The following MTG2 variants were observed in gnomAD, a reference collection of about 807,000 sequenced individuals.
The protein encoded by MTG2 is mitochondrial ribosome-associated GTPase 2.
In MTG2, 23 loss-of-function variants were observed where a neutral mutation model predicts 28.6. That is an observed-to-expected ratio of 0.80 (90% CI 0.58 to 1.14). The LOEUF is 1.14. Ranked by LOEUF, MTG2 falls within the 50% of genes most tolerant of loss-of-function variation. The pLI, the probability that MTG2 is intolerant of heterozygous loss-of-function variation, is 0.00. For synonymous variants in MTG2, 260 were observed against 251.8 expected (o/e 1.03, Z -0.31); for missense variants, 539 against 552.0 (o/e 0.98, Z 0.24).
At chr20:62,200,353 C>T (rs1465275124) in intron 6 of MTG2, 1 of 259,924 alleles carries the variant, frequency 3.8e-6, no homozygotes, top group Non-Finnish European at 7.2e-6. Context: ...TAGTAGAGTA[C>T]AGGCAGCCAT....
In MTG2 at chr20:62,200,679, G is replaced by C. The variant is rs538237137; in HGVS notation, c.827-4G>C. 8.7e-6 allele frequency: 14 copies of C among 1,601,370 alleles called. No individual in the cohort carries two copies. The South Asian group carries it at 1.6e-4, about 18-fold the overall frequency. On this transcript the variant is annotated splice_polypyrimidine_tract_variant and splice_region_variant and intron_variant, in intron 6 of 6. Transcript: ENST00000370823. ...CACCTCGTGTGCCCCTGTCTTCCCT[G>C]CAGTGGCCGACATCCCCGGCATCAT...
In MTG2 at chr20:62,201,406, C is replaced by T. The variant is rs6587295; in HGVS notation, c.*329C>T. The T allele has an allele frequency of 1.8e-5, 6 of 329,828 alleles. No homozygotes were observed. The highest frequency in any genetic ancestry group is 8.5e-5 in the African/African-American group (4 of 47,098). The allele number at this position is 329,828 out of a possible 1,614,324, so 20.4% of individuals were successfully genotyped here. ...CTGACTCAGGTCTCCGCCATGCACGCGTGGACTCTCGGATGAGCTCAGCAG... is the reference window on the plus strand; with the variant it reads ...CTGACTCAGGTCTCCGCCATGCACGTGTGGACTCTCGGATGAGCTCAGCAG... On this transcript the variant is annotated 3_prime_UTR_variant, in exon 7 of 7. Coordinates refer to ENST00000370823, the MANE Select transcript of MTG2 (RefSeq NM_015666.4).
At position 62,201,481 on chromosome 20, in the gene MTG2, C is replaced by CA. The variant is rs2058170554; in HGVS notation, c.*405dup. The CA allele has an allele frequency of 5.5e-6, 1 of 182,742 alleles. No homozygotes were observed. The highest frequency in any genetic ancestry group is 1.3e-4 in the South Asian group (1 of 7,476). 11.3% of individuals were successfully genotyped at this position (182,742 alleles called of 1,614,324 possible). On this transcript the variant is annotated 3_prime_UTR_variant, in exon 7 of 7. Transcript: ENST00000370823. The stretch of plus-strand genomic sequence containing the variant: ...CAGAAGTGCAGACCAGGGTTCTCAG[C>CA]ACAGTGCCCGTCGTGCTTCCATGGC...
Position 62,202,266 on chromosome 20 carries a change from G to A in MTG2, c.*1189G>A. On this transcript the variant is annotated 3_prime_UTR_variant, in exon 7 of 7. Coordinates refer to ENST00000370823, the MANE Select transcript of MTG2 (RefSeq NM_015666.4). Reference sequence around the variant, plus strand: ...TGCCTGGCCCATAGACATCCCCCAAGTAGTCTCAGGCCTCTGACATGTCCC... The same window carrying A: ...TGCCTGGCCCATAGACATCCCCCAAATAGTCTCAGGCCTCTGACATGTCCC... The A allele has an allele frequency of 6.6e-6, 1 of 152,374 alleles. No homozygotes were observed. The highest frequency in any genetic ancestry group is 1.9e-4 in the East Asian group (1 of 5,200). 9.4% of individuals were successfully genotyped at this position (152,374 alleles called of 1,614,324 possible).
At chr20:62,199,650 A>AC (rs1424400253) in intron 6 of MTG2, among the ~76,000 whole-genome samples, 17 of 150,836 alleles carry the variant, frequency 1.1e-4, no homozygotes, top group Admixed American at 4.6e-4. Context: ...CATCTCAAAA[A>AC]AAAAAAAAAA....
chr20:62,202,048 G>C lies in MTG2; in HGVS notation c.*971G>C, dbSNP rs2058180718. 2 of 152,274 alleles carry C rather than the reference G, an allele frequency of 1.3e-5. No individual in the cohort carries two copies. Among genetic ancestry groups the C allele is most frequent in the African/African-American group, 2.4e-5 (1 of 41,466 alleles). 9.4% of individuals were successfully genotyped at this position (152,274 alleles called of 1,614,324 possible). On this transcript the variant is annotated 3_prime_UTR_variant, in exon 7 of 7. Transcript: ENST00000370823. ...AGTTACCGAGCCGAAGGGAGATGAT[G>C]GGCCTTCGCCCCTCAGTGGGATGGC...
rs557126150 is a variant in MTG2, at chr20:62,198,325, G to A, written c.469-309G>A. 45 of 532,128 alleles carry A rather than the reference G, an allele frequency of 8.5e-5. No homozygotes were observed. In the East Asian group the frequency reaches 9.5e-4, roughly 11 times the overall value. The allele number at this position is 532,128 out of a possible 1,614,324, so 33.0% of individuals were successfully genotyped here. A position where few individuals can be genotyped will look rare whatever the true frequency, so the allele number is the denominator to read the frequency against. ...CCCAGCGGGCCTGCGTCTCCTTCGC[G>A]AGCTGAATTCACTCGTCTCTTAGAT... On this transcript the variant is annotated intron_variant, in intron 4 of 6. Transcript: ENST00000370823.
At position 62,200,991 on chromosome 20, in the gene MTG2, G is replaced by A; in HGVS notation, c.1135G>A (p.Glu379Lys). The A allele has an allele frequency of 1.9e-6, 3 of 1,613,772 alleles. No individual in the cohort carries two copies. Among genetic ancestry groups the A allele is most frequent in the Non-Finnish European group, 2.5e-6 (3 of 1,180,014 alleles). Reference sequence around the variant, plus strand: ...GTCGGCGTTGACCGGCGAGAACCTGGAGCAGCTGCTGTTGCACCTGAAGGT... The same window carrying A: ...GTCGGCGTTGACCGGCGAGAACCTGAAGCAGCTGCTGTTGCACCTGAAGGT... ...VLSALTGENL[E>K]QLLLHLKVLY... Residue 379 changes from glutamate (E) to lysine (K), a missense_variant, in exon 7 of 7, where the codon GAG (glutamate) becomes AAG (lysine). Coordinates refer to ENST00000370823, the MANE Select transcript of MTG2 (RefSeq NM_015666.4).
At chr20:62,190,749 G>A (rs142564727) in intron 1 of MTG2, among the ~76,000 whole-genome samples, 2,526 of 152,320 alleles carry the variant, frequency 0.017, 31 homozygotes, top group Non-Finnish European at 0.026. Context: ...GCGGTGCAGC[G>A]GCGGCGGCCG....
Position 62,197,888 on chromosome 20 carries a change from C to G in MTG2, c.389C>G (p.Ser130Trp). 2 of 1,614,152 alleles carry G rather than the reference C, an allele frequency of 1.2e-6. No individual in the cohort carries two copies. Among genetic ancestry groups the G allele is most frequent in the Non-Finnish European group, 8.5e-7 (1 of 1,180,030 alleles). Residue 130 changes from serine to tryptophan, a missense_variant, in exon 4 of 7, where the codon TCG becomes TGG. Physicochemically the swap from Ser to Trp is radical, Grantham distance 177 (BLOSUM62 -3). Transcript: ENST00000370823. ...QQVKSLSSVL[S>W]RYQGFSGEDG... ...GTCAAGTCCCTGTCGTCGGTCCTGT[C>G]GCGGTACCAGGGTTTCAGTGGAGAA...
At chr20:62,196,077 C>T in intron 3 of MTG2, 128 bp downstream of exon 3, 1 of 1,163,640 alleles carries the variant, frequency 8.6e-7, no homozygotes, top group Non-Finnish European at 1.2e-6. Flanking sequence ...CTTGGAGAGG[C>T]TGAGGCAGGA....
chr20:62,196,372 AG>A (rs891261776), intron 3 of MTG2, among the ~76,000 whole-genome samples: 3 of 151,268 alleles, frequency 2.0e-5, no homozygotes, highest in African/African-American at 7.3e-5. Flanking sequence ...AAAAAAAAAA[AG>A]TAAAATTTTT....
chr20:62,192,292 G>C (rs1278983162), intron 1 of MTG2, among the ~76,000 whole-genome samples: 1 of 152,222 alleles, frequency 6.6e-6, no homozygotes, highest in Non-Finnish European at 1.5e-5. Flanking sequence ...AACTCAGGAA[G>C]GCACTTGGTT....
chr20:62,198,175 C>T, intron 4 of MTG2: 1 of 581,570 alleles, frequency 1.7e-6, no homozygotes, highest in Non-Finnish European at 3.1e-6. Flanking sequence ...GGTCTCACAC[C>T]ATGTGCATGT....
In MTG2 at chr20:62,199,132, A is replaced by C. The variant is rs373276656; in HGVS notation, c.701A>C (p.Asn234Thr). The part of the protein sequence containing the change: ...VAHAGMVGFP[N>T]AGKSSLLRAI... Reference sequence around the variant, plus strand: ...TCTTTCCCCCAGGTGGGATTCCCCAACGCCGGGAAGTCCTCACTGCTCCGG... The same window carrying C: ...TCTTTCCCCCAGGTGGGATTCCCCACCGCCGGGAAGTCCTCACTGCTCCGG... The change falls in exon 6 of 7, where the codon AAC becomes ACC. Residue 234 changes from asparagine (N) to threonine (T), a missense_variant. Transcript: ENST00000370823. The C allele has an allele frequency of 6.2e-7, 1 of 1,613,790 alleles. No individual in the cohort carries two copies. Among genetic ancestry groups the C allele is most frequent in the South Asian group, 1.1e-5 (1 of 91,078 alleles).
chr20:62,185,527 C>T (rs1272895950), intron 1 of MTG2, among the ~76,000 whole-genome samples: 1 of 152,102 alleles, frequency 6.6e-6, no homozygotes, highest in Non-Finnish European at 1.5e-5. Flanking sequence ...ATCCCAGCTT[C>T]TTGGAACGCT....
At position 62,201,326 on chromosome 20, in the gene MTG2, C is replaced by T. The variant is rs2058167051; in HGVS notation, c.*249C>T. The T allele has an allele frequency of 1.8e-6, 1 of 554,012 alleles. No homozygotes were observed. The highest frequency in any genetic ancestry group is 3.4e-5 in the Admixed American group (1 of 29,140). 34.3% of individuals were successfully genotyped at this position (554,012 alleles called of 1,614,324 possible). ...CTGATGAGCCAGTTGCTCATTTGTG[C>T]TGATTAACACCCCTAATAAGGGGTT... is the stretch of plus-strand genomic sequence containing the variant. On this transcript the variant is annotated 3_prime_UTR_variant, in exon 7 of 7. Coordinates refer to ENST00000370823, the MANE Select transcript of MTG2 (RefSeq NM_015666.4).
intron 1 of MTG2, among the ~76,000 whole-genome samples, chr20:62,184,955 C>A (rs2057810283): frequency 6.6e-6 from 1 of 151,540 alleles, no homozygotes; most frequent in Admixed American, 6.6e-5. Flanking sequence ...ATTAAAAATA[C>A]AAAAATGAGC....
At position 62,193,433 on chromosome 20, in the gene MTG2, A is replaced by G. The variant is rs772291377; in HGVS notation, c.13A>G (p.Arg5Gly). 7.4e-6 allele frequency: 12 copies of G among 1,614,174 alleles called. No individual in the cohort carries two copies. In the South Asian group the frequency reaches 1.2e-4, roughly 16 times the overall value. Reference sequence around the variant, plus strand: ...TTCTGTAGGGGCCATGGCACCTGCAAGGTGTTTCTCAGCAAGATTGAGGAC... The same window carrying G: ...TTCTGTAGGGGCCATGGCACCTGCAGGGTGTTTCTCAGCAAGATTGAGGAC... Reference protein sequence around the residue: MAPARCFSARLRTVF... With the variant: MAPAGCFSARLRTVF... The change falls in exon 2 of 7, where the codon AGG becomes GGG. Residue 5 changes from arginine (R) to glycine (G), a missense_variant. Coordinates refer to ENST00000370823, the MANE Select transcript of MTG2 (RefSeq NM_015666.4).
Sources: gnomAD v4.1 joint callset for allele counts (sites outside exome capture counted in the v4.1 genomes callset) on GRCh38, gnomAD v4.1.1 for gene constraint, MANE v1.5 for transcripts, NCBI Gene and HGNC (gene_info 2026-07-23, HGNC 2026-07-21) for gene names.